The following PLCB4 variants were observed in gnomAD, a reference collection of about 807,000 sequenced individuals.
The protein encoded by PLCB4 is 1-phosphatidylinositol 4,5-bisphosphate phosphodiesterase beta-4.
A neutral mutation model predicts 178.8 loss-of-function variants in PLCB4; 77 were observed. The ratio of observed to expected loss-of-function variants is 0.43; its 90% confidence interval spans 0.36 to 0.52. The LOEUF (loss-of-function observed/expected upper bound fraction) is 0.52, where lower values mean the gene tolerates loss of function less well. Ranked by LOEUF, PLCB4 falls within the 20% of genes least tolerant of loss-of-function variation. PLCB4 has a pLI of 0.00. For missense variants in PLCB4, 1,024 were observed against 1,453.4 expected (o/e 0.70, Z 4.80); for synonymous variants, 496 against 490.8 (o/e 1.01, Z -0.14).
At chr20:9,215,564 C>G (rs1275427691) in intron 2 of PLCB4, among the ~76,000 whole-genome samples, 1 of 152,176 alleles carries the variant, frequency 6.6e-6, no homozygotes, top group African/African-American at 2.4e-5. Flanking sequence ...TGTGTATTCC[C>G]TAATTCTGTA....
chr20:9,273,431 A>G (rs187452923), intron 3 of PLCB4, among the ~76,000 whole-genome samples: 3 of 152,136 alleles, frequency 2.0e-5, no homozygotes, highest in African/African-American at 4.8e-5. Flanking sequence ...CATGCCTGCT[A>G]TTTGAATTTT....
At chr20:9,283,361 G>T (rs1017018462) in intron 3 of PLCB4, among the ~76,000 whole-genome samples, 18 of 151,888 alleles carry the variant, frequency 1.2e-4, no homozygotes, top group African/African-American at 4.1e-4. Context: ...GCCTTTCAGA[G>T]TTAGCCATAT....
chr20:9,324,712 C>T (rs1172315886), intron 4 of PLCB4, among the ~76,000 whole-genome samples: 1 of 152,088 alleles, frequency 6.6e-6, no homozygotes, highest in East Asian at 1.9e-4. Flanking sequence ...CCAGTAATTG[C>T]TGCACTTATT....
intron 3 of PLCB4, among the ~76,000 whole-genome samples, chr20:9,261,836 G>T (rs568132741): frequency 0.034 from 5,212 of 152,160 alleles, 323 homozygotes; most frequent in African/African-American, 0.12. Flanking sequence ...TCCAATAAGT[G>T]AAAAAACAGA....
intron 2 of PLCB4, among the ~76,000 whole-genome samples, chr20:9,129,223 G>C (rs539711699): frequency 6.6e-6 from 1 of 152,088 alleles, no homozygotes; most frequent in Non-Finnish European, 1.5e-5. Context: ...CTTCTTACCT[G>C]AGGGTGTCTT....
intron 2 of PLCB4, among the ~76,000 whole-genome samples, chr20:9,186,961 G>A (rs1202388484): frequency 6.6e-6 from 1 of 151,708 alleles, no homozygotes; most frequent in Non-Finnish European, 1.5e-5. Flanking sequence ...CCTACCTGTT[G>A]TTTTATTTTT....
chr20:9,279,714 G>A (rs2094477897), intron 3 of PLCB4, among the ~76,000 whole-genome samples: 1 of 151,892 alleles, frequency 6.6e-6, no homozygotes. Context: ...CATAAAAGTT[G>A]AAAAAGGAAA....
At chr20:9,334,810 T>C (rs932586667) in intron 4 of PLCB4, among the ~76,000 whole-genome samples, 4 of 151,984 alleles carry the variant, frequency 2.6e-5, no homozygotes, top group African/African-American at 9.7e-5. Context: ...ACTGTAGAGC[T>C]AGGGGCTAGA....
chr20:9,079,761 G>A (rs1259913724), intron 1 of PLCB4, among the ~76,000 whole-genome samples: 5 of 152,138 alleles, frequency 3.3e-5, no homozygotes, highest in Non-Finnish European at 7.3e-5. Context: ...TTGAAATTGG[G>A]AATTTTCTAC....
At chr20:9,133,984 G>A (rs2146830401) in intron 2 of PLCB4, among the ~76,000 whole-genome samples, 1 of 152,320 alleles carries the variant, frequency 6.6e-6, no homozygotes, top group East Asian at 1.9e-4. Flanking sequence ...CTACTGTAAA[G>A]ACCAGGGCAG....
intron 2 of PLCB4, among the ~76,000 whole-genome samples, chr20:9,154,508 C>T (rs375885113): frequency 2.0e-5 from 3 of 152,232 alleles, no homozygotes; most frequent in Non-Finnish European, 1.5e-5. Flanking sequence ...TAATAATGCT[C>T]AGTCGTCTGT....
chr20:9,386,031 C>T (rs549850191), intron 14 of PLCB4, among the ~76,000 whole-genome samples: 1 of 152,204 alleles, frequency 6.6e-6, no homozygotes, highest in Non-Finnish European at 1.5e-5. Context: ...GGCTGGCAGA[C>T]CACTCGAGGT....
chr20:9,373,396 TG>T (rs2036412122), intron 12 of PLCB4, among the ~76,000 whole-genome samples: 1 of 152,238 alleles, frequency 6.6e-6, no homozygotes, highest in African/African-American at 2.4e-5. Flanking sequence ...TAAATGTGTC[TG>T]TGTTTTTGCA....
chr20:9,163,420 G>T (rs1465193507), intron 2 of PLCB4, among the ~76,000 whole-genome samples: 1 of 152,134 alleles, frequency 6.6e-6, no homozygotes, highest in East Asian at 1.9e-4. Context: ...TTTTTGCAAG[G>T]TCATGGCCAA....
At chr20:9,418,063 T>C (rs528769102) in intron 25 of PLCB4, among the ~76,000 whole-genome samples, 76 of 152,294 alleles carry the variant, frequency 5.0e-4, no homozygotes, top group Non-Finnish European at 9.3e-4. Flanking sequence ...CTTTATGTAT[T>C]CTAGATACAG....
chr20:9,123,241 A>G (rs937609557), intron 2 of PLCB4, among the ~76,000 whole-genome samples: 5 of 152,092 alleles, frequency 3.3e-5, no homozygotes, highest in African/African-American at 9.7e-5. Context: ...CTACCTGTTT[A>G]TCATTAGTTT....
At chr20:9,214,742 A>G (rs572041701) in intron 2 of PLCB4, among the ~76,000 whole-genome samples, 3 of 152,198 alleles carry the variant, frequency 2.0e-5, no homozygotes, top group Non-Finnish European at 4.4e-5. Context: ...ACTCCAAGTC[A>G]GTTGCAATAG....
chr20:9,454,599 G>A (rs2042952280), intron 33 of PLCB4, among the ~76,000 whole-genome samples: 1 of 152,068 alleles, frequency 6.6e-6, no homozygotes, highest in South Asian at 2.1e-4. Context: ...TGTTTTAACA[G>A]TCACCCAAGA....
intron 3 of PLCB4, among the ~76,000 whole-genome samples, chr20:9,223,739 G>A (rs955932596): frequency 2.6e-5 from 4 of 152,234 alleles, no homozygotes; most frequent in East Asian, 1.9e-4. Flanking sequence ...GCATGGTCAC[G>A]TCTATCACAT....
Sources: allele counts gnomAD v4.1 joint callset (sites outside exome capture counted in the v4.1 genomes callset), GRCh38; gene constraint gnomAD v4.1.1; transcripts MANE v1.5; gene names NCBI Gene and HGNC (gene_info 2026-07-23, HGNC 2026-07-21).